ADD3: variants seen among roughly 807,000 people sequenced by gnomAD.
The protein encoded by ADD3 is adducin 3.
Under a neutral mutation model 80.2 loss-of-function variants are expected in ADD3, and 25 were observed. That is an observed-to-expected ratio of 0.31 (90% CI 0.23 to 0.44). ADD3 has a LOEUF of 0.44. Ranked by LOEUF, ADD3 falls within the 20% of genes least tolerant of loss-of-function variation. ADD3 has a pLI of 1.00. For missense variants in ADD3, 829 were observed against 847.5 expected, an observed-to-expected ratio of 0.98 and a Z score of 0.27; for synonymous variants, 284 against 289.6, an observed-to-expected ratio of 0.98 and a Z score of 0.20.
chr10:110,046,754 A>C (rs1400214597), intron 1 of ADD3, among the ~76,000 whole-genome samples: 1 of 152,174 alleles, frequency 6.6e-6, no homozygotes, highest in Non-Finnish European at 1.5e-5. Context: ...TAAATATGTA[A>C]ATCACTTAGC....
chr10:110,003,851 G>C (rs2132864739), upstream of ADD3, among the ~76,000 whole-genome samples: 1 of 152,308 alleles, frequency 6.6e-6, no homozygotes, highest in Non-Finnish European at 1.5e-5. Context: ...GACTGTGTTA[G>C]GAAAGGGAGG....
chr10:110,106,547 T>C (rs926131894), intron 2 of ADD3, among the ~76,000 whole-genome samples: 1 of 152,142 alleles, frequency 6.6e-6, no homozygotes, highest in Non-Finnish European at 1.5e-5. Context: ...CTCACATCTC[T>C]GAATATTTGA....
intron 1 of ADD3, among the ~76,000 whole-genome samples, chr10:110,093,077 T>TC (rs1490001690): frequency 1.3e-5 from 2 of 152,204 alleles, no homozygotes; most frequent in East Asian, 1.9e-4. Flanking sequence ...CAGGCTGGTC[T>TC]CCAACTCCTG....
chr10:110,047,474 T>C (rs570670735), intron 1 of ADD3, among the ~76,000 whole-genome samples: 3 of 152,320 alleles, frequency 2.0e-5, no homozygotes, highest in African/African-American at 7.2e-5. Context: ...TCTCCAAATA[T>C]ATATATCGGG....
At chr10:110,011,089 T>G (rs1469175767) in intron 1 of ADD3, among the ~76,000 whole-genome samples, 1 of 151,986 alleles carries the variant, frequency 6.6e-6, no homozygotes, top group Non-Finnish European at 1.5e-5. Flanking sequence ...AAAGTCTTTT[T>G]TTTTTTTTTT....
In ADD3 at chr10:110,118,501, A is replaced by C. The variant is rs1014714143; in HGVS notation, c.568-86A>C. ...ATTTGCTATCTGACCTTTTACAAAA[A>C]GGTTTGCTACCCCCTGGTTTAGCTT... On this transcript the variant is annotated intron_variant, in intron 5 of 14. Transcript: ENST00000356080. 2.5e-5 allele frequency: 29 copies of C among 1,173,520 alleles called. No individual in the cohort carries two copies. In the East Asian group the frequency reaches 6.6e-4, roughly 27 times the overall value. 72.7% of individuals were successfully genotyped at this position (1,173,520 alleles called of 1,614,324 possible). A position where few individuals can be genotyped will look rare whatever the true frequency, so the allele number is the denominator to read the frequency against.
chr10:110,093,829 G>A (rs1847840510), intron 1 of ADD3, among the ~76,000 whole-genome samples: 1 of 152,106 alleles, frequency 6.6e-6, no homozygotes, highest in Non-Finnish European at 1.5e-5. Context: ...GTGTGTGGGT[G>A]TGTGTGTGTA....
chr10:110,014,030 A>G (rs1480284273), intron 1 of ADD3, among the ~76,000 whole-genome samples: 1 of 152,200 alleles, frequency 6.6e-6, no homozygotes, highest in Non-Finnish European at 1.5e-5. Context: ...CAATATTCTC[A>G]TCCTATCATC....
chr10:110,010,913 A>G (rs79546933), intron 1 of ADD3, among the ~76,000 whole-genome samples: 1 of 152,352 alleles, frequency 6.6e-6, no homozygotes, highest in African/African-American at 2.4e-5. Flanking sequence ...ATCCTCTGGT[A>G]TTAATACCAC....
At chr10:110,039,540 G>A (rs1459040309) in intron 1 of ADD3, among the ~76,000 whole-genome samples, 2 of 152,172 alleles carry the variant, frequency 1.3e-5, no homozygotes. Flanking sequence ...GTTATTTCCA[G>A]TAGGAAAGCA....
chr10:109,999,163 G>A (rs1181049289), intron 1 of ADD3, among the ~76,000 whole-genome samples: 1 of 152,152 alleles, frequency 6.6e-6, no homozygotes, highest in African/African-American at 2.4e-5. Context: ...GTGTTTCAGG[G>A]TTTGGGGACT....
chr10:110,006,166 C>T (rs1851619161), upstream of ADD3: 1 of 153,606 alleles, frequency 6.5e-6, no homozygotes. Context: ...GGAGATCTAT[C>T]TAGCTATTTT....
At chr10:110,043,790 G>A (rs962170744) in intron 1 of ADD3, among the ~76,000 whole-genome samples, 14 of 152,176 alleles carry the variant, frequency 9.2e-5, no homozygotes, top group African/African-American at 3.4e-4. Flanking sequence ...AGTCAATGGA[G>A]AAGATACACT....
At chr10:110,051,505 TA>T (rs1857512107) in intron 1 of ADD3, among the ~76,000 whole-genome samples, 1 of 152,190 alleles carries the variant, frequency 6.6e-6, no homozygotes, top group Non-Finnish European at 1.5e-5. Context: ...GGAAAATCTA[TA>T]TGCCTGTTAT....
At chr10:110,121,984 T>C (rs1590218301) in intron 8 of ADD3, 126 bp from the exon 9 acceptor site, 1 of 720,012 alleles carries the variant, frequency 1.4e-6, no homozygotes. Context: ...ATCTTGTCTT[T>C]GTTGTTAGTA....
At chr10:110,037,632 A>G (rs1158078760) in intron 1 of ADD3, among the ~76,000 whole-genome samples, 1 of 151,440 alleles carries the variant, frequency 6.6e-6, no homozygotes, top group Non-Finnish European at 1.5e-5. Context: ...AAAGTTAACT[A>G]TATAATATTT....
At chr10:110,062,238 T>C (rs1197549144) in intron 1 of ADD3, among the ~76,000 whole-genome samples, 2 of 54,728 alleles carry the variant, frequency 3.7e-5, no homozygotes, top group African/African-American at 1.3e-4. Context: ...AAAAAAAAAA[T>C]ACTAAGTTAG....
chr10:110,119,153 C>T, intron 6 of ADD3, 58 bp from the exon 7 acceptor site: 1 of 1,586,606 alleles, frequency 6.3e-7, no homozygotes, highest in Non-Finnish European at 8.6e-7. Flanking sequence ...AATCAGGTTC[C>T]TATGAAAATG....
intron 2 of ADD3, among the ~76,000 whole-genome samples, chr10:110,102,329 GA>G (rs915371883): frequency 6.6e-6 from 1 of 152,150 alleles, no homozygotes; most frequent in African/African-American, 2.4e-5. Flanking sequence ...TACTAGATCG[GA>G]AATGGTGGCT....
Sources: allele counts gnomAD v4.1 joint callset (sites outside exome capture counted in the v4.1 genomes callset), GRCh38; gene constraint gnomAD v4.1.1; transcripts MANE v1.5; gene names NCBI Gene and HGNC (gene_info 2026-07-23, HGNC 2026-07-21).